ZSCAN18: variants seen among roughly 807,000 people sequenced by gnomAD.
ZSCAN18 encodes the protein zinc finger and SCAN domain containing 18, also known as zinc finger and SCAN domain-containing protein 18.
Under a neutral mutation model 31.1 loss-of-function variants are expected in ZSCAN18, and 16 were observed. The observed-to-expected ratio is 0.51, with a 90% CI of 0.35 to 0.78. ZSCAN18 has a LOEUF of 0.78. Ranked by LOEUF, ZSCAN18 falls within the 30% of genes least tolerant of loss-of-function variation. The pLI, the probability that ZSCAN18 is intolerant of heterozygous loss-of-function variation, is 0.01. For synonymous variants in ZSCAN18, 375 were observed against 320.7 expected, an observed-to-expected ratio of 1.17 and a Z score of -1.81; for missense variants, 731 against 697.4, an observed-to-expected ratio of 1.05 and a Z score of -0.54.
At chr19:58,092,739 G>T (rs181848758) in intron 1 of ZSCAN18, 1 of 982,902 alleles carries the variant, frequency 1.0e-6, no homozygotes, top group Admixed American at 6.2e-5. Context: ...GAGCCATGCC[G>T]TGCCATCATC....
At chr19:58,113,853 C>T (rs1409491724) in intron 1 of ZSCAN18, among the ~76,000 whole-genome samples, 1 of 152,098 alleles carries the variant, frequency 6.6e-6, no homozygotes, top group Non-Finnish European at 1.5e-5. Context: ...TGGCATGCGC[C>T]TGAAATCCCA....
intron 1 of ZSCAN18, among the ~76,000 whole-genome samples, chr19:58,114,870 A>G (rs754030426): frequency 3.9e-5 from 6 of 152,228 alleles, no homozygotes; most frequent in Admixed American, 6.5e-5. Context: ...ATATTCCAGG[A>G]TCATCATTCA....
Position 58,097,109 on chromosome 19 carries a change from C to T in ZSCAN18, c.-120+1065G>A, listed in dbSNP as rs116077272. 1.2e-3 allele frequency among the ~76,000 whole-genome samples: 177 copies of T among 152,230 alleles called. 1 individual carries two copies. The highest frequency in any genetic ancestry group is 3.7e-3 in the African/African-American group (153 of 41,524). ...ATGGGATGGGGGAAGTGAAATGGAACCGAGGAGGTGACATGGAACCAAGTG... is the reference window on the plus strand; with the variant it reads ...ATGGGATGGGGGAAGTGAAATGGAATCGAGGAGGTGACATGGAACCAAGTG... On this transcript the variant is annotated intron_variant, in intron 1 of 6. Transcript: ENST00000601144.
chr19:58,096,703 G>A (rs775142538), intron 1 of ZSCAN18, among the ~76,000 whole-genome samples: 3 of 152,218 alleles, frequency 2.0e-5, no homozygotes, highest in Non-Finnish European at 4.4e-5. Context: ...ACAGCCACAG[G>A]CCTGAGGATC....
intron 3 of ZSCAN18, 76 bp from the exon 4 acceptor site, chr19:58,087,480 G>A (rs575163326): frequency 4.4e-5 from 58 of 1,329,620 alleles, no homozygotes; most frequent in East Asian, 3.2e-4. Flanking sequence ...AGGAGCCCCC[G>A]CTGCCTCCCA....
At chr19:58,094,957 T>C (rs1363710227) in intron 1 of ZSCAN18, among the ~76,000 whole-genome samples, 1 of 147,956 alleles carries the variant, frequency 6.8e-6, no homozygotes, top group Non-Finnish European at 1.5e-5. Context: ...CATGGGAGGC[T>C]AATGTGGGAG....
intron 1 of ZSCAN18, among the ~76,000 whole-genome samples, chr19:58,116,164 C>A (rs541636781): frequency 6.7e-6 from 1 of 149,080 alleles, no homozygotes; most frequent in South Asian, 2.2e-4. Context: ...CTCCATATTG[C>A]CCGAGGCACT....
chr19:58,088,642 C>T (rs1487959436), intron 3 of ZSCAN18, 46 bp downstream of exon 3: 1 of 1,587,546 alleles, frequency 6.3e-7, no homozygotes, highest in South Asian at 1.1e-5. Context: ...TGCCCAACAC[C>T]CCACCTAAGG....
intron 1 of ZSCAN18, among the ~76,000 whole-genome samples, chr19:58,104,360 C>G (rs1390290610): frequency 6.7e-6 from 1 of 148,424 alleles, no homozygotes; most frequent in Non-Finnish European, 1.5e-5. Context: ...GCCTGGGCAA[C>G]AGAGTGAGGC....
At chr19:58,099,764 A>G (rs28784120), upstream of ZSCAN18, among the ~76,000 whole-genome samples, 44 of 151,866 alleles carry the variant, frequency 2.9e-4, no homozygotes, top group Non-Finnish European at 5.3e-4. Flanking sequence ...GTGTTTTGCT[A>G]TTTTTTATTT....
At chr19:58,103,120 T>TA (rs36184704), upstream of ZSCAN18, among the ~76,000 whole-genome samples, 83,699 of 149,522 alleles carry the variant, frequency 0.56, 25,269 homozygotes, top group Non-Finnish European at 0.68. Flanking sequence ...AGACTCTCTC[T>TA]AAAAAAAAAT....
chr19:58,114,552 TATATAA>T (rs2074714743), intron 1 of ZSCAN18, among the ~76,000 whole-genome samples: 1 of 152,114 alleles, frequency 6.6e-6, no homozygotes, highest in African/African-American at 2.4e-5. Context: ...AAATGTACAT[TATATAA>T]ATATATACAC....
upstream of ZSCAN18, among the ~76,000 whole-genome samples, chr19:58,099,965 T>TTTTTTG (rs1491347077): frequency 3.2e-4 from 4 of 12,692 alleles, no homozygotes; most frequent in Admixed American, 1.1e-3. Flanking sequence ...GAAAGCTATG[T>TTTTTTG]TTTTTTTTTT....
chr19:58,097,467 G>T (rs1033749874), intron 1 of ZSCAN18, among the ~76,000 whole-genome samples: 1 of 151,974 alleles, frequency 6.6e-6, no homozygotes, highest in African/African-American at 2.4e-5. Flanking sequence ...CTCCGGGGTG[G>T]GCGCAGACAC....
upstream of ZSCAN18, chr19:58,098,311 G>C (rs566096396): frequency 8.1e-5 from 80 of 985,364 alleles, no homozygotes; most frequent in African/African-American, 8.2e-4. Context: ...GCCGCGCACC[G>C]GGGCGAGCAA....
upstream of ZSCAN18, chr19:58,098,328 C>A (rs2074561778): frequency 1.0e-6 from 1 of 985,476 alleles, no homozygotes; most frequent in South Asian, 4.7e-5. Flanking sequence ...GCAAGGGAGC[C>A]GTGACAGGTG....
upstream of ZSCAN18, chr19:58,098,260 C>T: frequency 4.1e-6 from 4 of 985,524 alleles, no homozygotes; most frequent in Non-Finnish European, 4.8e-6. Context: ...GCGCACTGGG[C>T]CTCACCGCGG....
chr19:58,087,585 G>T lies in ZSCAN18; in HGVS notation c.554-181C>A. On this transcript the variant is annotated intron_variant, in intron 3 of 6. Transcript: ENST00000601144. ...TACAAAGCAGCGCGGTGGCCACAGG[G>T]CTTGGGTGGCCCCAGAGATGCCCAT... 1.5e-5 allele frequency: 9 copies of T among 589,408 alleles called. No individual in the cohort carries two copies. In the South Asian group the frequency reaches 1.9e-4, roughly 12 times the overall value. 36.5% of individuals were successfully genotyped at this position (589,408 alleles called of 1,614,324 possible).
In ZSCAN18 at chr19:58,084,790, GC is replaced by G; in HGVS notation, c.1427del (p.Gly476AlafsTer51). The G allele has an allele frequency of 6.3e-7, 1 of 1,576,470 alleles. No individual in the cohort carries two copies. ...GGGCTTCGCGGGTGGACGGTTGGGG[GC>G]CCCGGGCGCCCCCCAGCGCGTAGCT... Reference protein sequence around the residue: ...EKSYALGGARGPQPSTREAQA... With the variant: ...EKSYALGGARXPQPSTREAQA... On this transcript the variant is annotated frameshift_variant, in exon 7 of 7. Coordinates refer to ENST00000601144, the MANE Select transcript of ZSCAN18 (RefSeq NM_001145543.2). LOFTEE classifies it low-confidence loss of function (END_TRUNC). The surrounding 1 kb of genome is among the most constrained non-coding windows in gnomAD (Gnocchi z 4.5).
Sources: gnomAD v4.1 joint callset for allele counts (sites outside exome capture counted in the v4.1 genomes callset) on GRCh38, gnomAD v4.1.1 for gene constraint, Gnocchi (gnomAD v3.1) non-coding constraint, MANE v1.5 for transcripts, NCBI Gene and HGNC (gene_info 2026-07-23, HGNC 2026-07-21) for gene names.